Variants in DLC1 observed in about 807,000 individuals in gnomAD.
The protein encoded by DLC1 is DLC1 Rho GTPase activating protein.
In DLC1, 54 loss-of-function variants were observed where a neutral mutation model predicts 140.3. The ratio of observed to expected loss-of-function variants is 0.38; its 90% CI spans 0.31 to 0.48. The LOEUF is 0.48. Ranked by LOEUF, DLC1 falls within the 20% of genes least tolerant of loss-of-function variation. DLC1 has a pLI of 0.96. For synonymous variants in DLC1, 986 were observed against 728.1 expected (o/e 1.35, Z -5.70); for missense variants, 2,536 against 1,907.0 (o/e 1.33, Z -6.14).
intron 5 of DLC1, among the ~76,000 whole-genome samples, chr8:13,144,973 A>G (rs1165585628): frequency 6.6e-6 from 1 of 152,202 alleles, no homozygotes; most frequent in Non-Finnish European, 1.5e-5. Context: ...TTATGCAGCA[A>G]CAGATAATTA....
At chr8:13,367,503 G>GT (rs1314991494) in intron 4 of DLC1, among the ~76,000 whole-genome samples, 1 of 152,048 alleles carries the variant, frequency 6.6e-6, no homozygotes, top group Non-Finnish European at 1.5e-5. Context: ...CCCATGAATT[G>GT]TTTTTTTGTA....
chr8:13,091,099 C>G (rs148596494), intron 14 of DLC1, among the ~76,000 whole-genome samples: 27 of 152,246 alleles, frequency 1.8e-4, no homozygotes, highest in African/African-American at 5.8e-4. Context: ...TGAGCCACTG[C>G]GCCCGGCTGC....
intron 1 of DLC1, among the ~76,000 whole-genome samples, chr8:13,561,601 G>C (rs1471894668): frequency 6.6e-6 from 1 of 152,006 alleles, no homozygotes; most frequent in East Asian, 1.9e-4. Flanking sequence ...TGGAAAGTTT[G>C]TTCTTTATTA....
intron 5 of DLC1, among the ~76,000 whole-genome samples, chr8:13,297,967 C>G (rs1182147481): frequency 6.6e-6 from 1 of 151,922 alleles, no homozygotes; most frequent in Non-Finnish European, 1.5e-5. Context: ...CAAGTCTGGG[C>G]TTTGTTATTT....
intron 2 of DLC1, among the ~76,000 whole-genome samples, chr8:13,412,332 T>C (rs1837817155): frequency 6.6e-6 from 1 of 152,054 alleles, no homozygotes; most frequent in South Asian, 2.1e-4. Context: ...CTTTGGAGAG[T>C]AGCTTGGGAG....
At chr8:13,322,495 C>T (rs201233920) in intron 4 of DLC1, among the ~76,000 whole-genome samples, 2 of 151,828 alleles carry the variant, frequency 1.3e-5, no homozygotes, top group Admixed American at 6.5e-5. Flanking sequence ...GACATTATAA[C>T]ATAATTCAAC....
Position 13,173,920 on chromosome 8 carries a change from T to C in DLC1, c.1349-58263A>G, listed in dbSNP as rs1825626961. On this transcript the variant is annotated intron_variant, in intron 5 of 17. Transcript: ENST00000276297. ...TGTGCAGATTTGTTACCTGGGTATA[T>C]TGCATGATGCTGAGGTTTGGGGTAT... 2.0e-5 allele frequency among the ~76,000 whole-genome samples: 3 copies of C among 152,186 alleles called. No individual in the cohort carries two copies. In the South Asian group the frequency reaches 6.2e-4, roughly 32 times the overall value.
chr8:13,553,571 C>G (rs915860707), intron 1 of DLC1, among the ~76,000 whole-genome samples: 7 of 151,964 alleles, frequency 4.6e-5, no homozygotes, highest in Non-Finnish European at 7.4e-5. Flanking sequence ...AAGCTGGTCT[C>G]AAACTCCTGG....
chr8:13,117,183 G>A (rs1399138044), intron 5 of DLC1, among the ~76,000 whole-genome samples: 1 of 152,142 alleles, frequency 6.6e-6, no homozygotes, highest in Non-Finnish European at 1.5e-5. Flanking sequence ...AAAAAACAAG[G>A]AAATTAGACT....
intron 4 of DLC1, among the ~76,000 whole-genome samples, chr8:13,344,031 A>T (rs1834198705): frequency 6.6e-6 from 1 of 151,836 alleles, no homozygotes; most frequent in Non-Finnish European, 1.5e-5. Context: ...GAATCTTGGG[A>T]TTTCTTCTGA....
At chr8:13,121,394 A>G (rs1312664058) in intron 5 of DLC1, among the ~76,000 whole-genome samples, 2 of 152,106 alleles carry the variant, frequency 1.3e-5, no homozygotes, top group African/African-American at 2.4e-5. Flanking sequence ...GGTGGATACG[A>G]TGGTTTTAAT....
At chr8:13,451,284 T>C (rs1285391682) in intron 2 of DLC1, among the ~76,000 whole-genome samples, 2 of 152,070 alleles carry the variant, frequency 1.3e-5, no homozygotes, top group Admixed American at 1.3e-4. Flanking sequence ...ACATGAGATA[T>C]TTTGGTACAG....
intron 4 of DLC1, among the ~76,000 whole-genome samples, chr8:13,332,717 C>T (rs536833756): frequency 6.6e-6 from 1 of 152,158 alleles, no homozygotes; most frequent in East Asian, 1.9e-4. Context: ...CCATGTCTGG[C>T]CCACTATTCA....
At chr8:13,530,497 C>CTG (rs1234627502) in intron 1 of DLC1, among the ~76,000 whole-genome samples, 1 of 152,036 alleles carries the variant, frequency 6.6e-6, no homozygotes, top group East Asian at 1.9e-4. Flanking sequence ...CTTGGCTTTG[C>CTG]TGTGTGTGTG....
chr8:13,258,830 C>G (rs1363087014), intron 5 of DLC1, among the ~76,000 whole-genome samples: 2 of 152,054 alleles, frequency 1.3e-5, no homozygotes, highest in Non-Finnish European at 2.9e-5. Context: ...ATTTCATTTT[C>G]AAGTAAGAAA....
At chr8:13,132,253 G>A (rs1311307443) in intron 5 of DLC1, among the ~76,000 whole-genome samples, 1 of 147,024 alleles carries the variant, frequency 6.8e-6, no homozygotes, top group Non-Finnish European at 1.5e-5. Context: ...TTCCTAGCAA[G>A]AAGCACGTTT....
At position 13,091,412 on chromosome 8, in the gene DLC1, C is replaced by G; in HGVS notation, c.3761G>C (p.Ser1254Thr). ...ATCTTTCTGATCTGGTTTGCCCAAA[C>G]TTTGTTTTCTTTGCATTACCCTAGG... is the stretch of plus-strand genomic sequence containing the variant. Reference protein sequence around the residue: ...SSPRVMQRKQSLGKPDQKDLN... With the variant: ...SSPRVMQRKQTLGKPDQKDLN... Residue 1254 changes from serine (S) to threonine (T), a missense_variant, in exon 14 of 18, where the codon AGT (serine) becomes ACT (threonine). Physicochemically the swap from Ser to Thr is moderately conservative, Grantham distance 58. Transcript: ENST00000276297. 6.2e-7 allele frequency: 1 copy of G among 1,613,992 alleles called. No homozygotes were observed. The highest frequency in any genetic ancestry group is 8.5e-7 in the Non-Finnish European group (1 of 1,179,968).
chr8:13,508,080 T>G (rs1317486759), intron 1 of DLC1, among the ~76,000 whole-genome samples: 1 of 152,210 alleles, frequency 6.6e-6, no homozygotes. Context: ...GAGCAGGGTG[T>G]TGCAAAACTG....
chr8:13,264,052 T>TTTTTTATTTATTTATTTATTTA (rs1554484714), intron 5 of DLC1, among the ~76,000 whole-genome samples: 1 of 143,034 alleles, frequency 7.0e-6, no homozygotes, highest in African/African-American at 2.6e-5. Flanking sequence ...ATAAGAAGCT[T>TTTTTTATTTATTTATTTATTTA]TTTATTTATT....
Sources: gnomAD v4.1 joint callset for allele counts (sites outside exome capture counted in the v4.1 genomes callset) on GRCh38, gnomAD v4.1.1 for gene constraint, MANE v1.5 for transcripts, NCBI Gene and HGNC (gene_info 2026-07-23, HGNC 2026-07-21) for gene names.